The following ZBTB26 variants were observed in gnomAD, a reference collection of about 807,000 sequenced individuals.
The protein encoded by ZBTB26 is zinc finger and BTB domain containing 26, also known as zinc finger and BTB domain-containing protein 26.
ZBTB26 carries 12 observed loss-of-function variants against 31.6 expected under a neutral mutation model. The ratio of observed to expected loss-of-function variants is 0.38; its 90% CI spans 0.24 to 0.61. The LOEUF (loss-of-function observed/expected upper bound fraction) is 0.61, where lower values mean the gene tolerates loss of function less well. Ranked by LOEUF, ZBTB26 falls within the 20% of genes least tolerant of loss-of-function variation. ZBTB26 has a pLI of 0.60. For synonymous variants in ZBTB26, 155 were observed against 182.9 expected (o/e 0.85, Z 1.23); for missense variants, 311 against 521.9 (o/e 0.60, Z 3.94).
At chr9:122,921,732 G>C (rs1391867546) in intron 1 of ZBTB26, among the ~76,000 whole-genome samples, 1 of 152,042 alleles carries the variant, frequency 6.6e-6, no homozygotes, top group Admixed American at 6.5e-5. Flanking sequence ...GGGAGTTCAA[G>C]ACCAGCCTGA....
intron 1 of ZBTB26, among the ~76,000 whole-genome samples, chr9:122,924,518 C>T (rs1196011144): frequency 2.0e-5 from 3 of 151,694 alleles, no homozygotes; most frequent in Non-Finnish European, 4.4e-5. Context: ...GGTACAGATG[C>T]TCTTCATTAT....
intron 1 of ZBTB26, among the ~76,000 whole-genome samples, chr9:122,930,653 G>A (rs1833260194): frequency 6.6e-6 from 1 of 152,056 alleles, no homozygotes; most frequent in Admixed American, 6.6e-5. Flanking sequence ...TCTGGACCTC[G>A]GTCGACTTTC....
chr9:122,924,866 G>A (rs779826393), intron 1 of ZBTB26, among the ~76,000 whole-genome samples: 3 of 151,828 alleles, frequency 2.0e-5, no homozygotes, highest in Non-Finnish European at 4.4e-5. Context: ...ATCAAATCTC[G>A]CTGTAACCTA....
chr9:122,919,815 A>T lies in ZBTB26; in HGVS notation c.120T>A (p.Asp40Glu). Residue 40 changes from aspartate to glutamate, a missense_variant, in exon 2 of 2, where the codon GAT becomes GAA. Around this residue, in one of 5 missense-constraint regions of ZBTB26, gnomAD observed 5 missense variants for 32.0 expected, o/e 0.16. Coordinates refer to ENST00000373656, the MANE Select transcript of ZBTB26 (RefSeq NM_020924.4). This position sits in a 1 kb window ranked among gnomAD's most constrained non-coding sequence, Gnocchi z 6.1. The stretch of plus-strand genomic sequence containing the variant: ...TTTTATGTCCCTGTACCTCAATATC[A>T]TCTATGAGAACTGTAACATCACAAA... ...NKFCDVTVLI[D>E]DIEVQGHKIV... 6.2e-7 allele frequency: 1 copy of T among 1,614,088 alleles called. No homozygotes were observed. The highest frequency in any genetic ancestry group is 8.5e-7 in the Non-Finnish European group (1 of 1,179,996).
chr9:122,924,482 C>T (rs1192252258), intron 1 of ZBTB26, among the ~76,000 whole-genome samples: 5 of 152,126 alleles, frequency 3.3e-5, no homozygotes, highest in Non-Finnish European at 7.3e-5. Context: ...TCTTAATGTT[C>T]CCCCATGAAA....
rs922656932 is a variant in ZBTB26, at chr9:122,918,768, A to C, written c.1167T>G (p.Asn389Lys). 1 of 1,614,102 alleles carries C rather than the reference A, an allele frequency of 6.2e-7. No individual in the cohort carries two copies. Among genetic ancestry groups the C allele is most frequent in the East Asian group, 2.2e-5 (1 of 44,876 alleles). ...CAAAATCCACTGTGAGGTCTTGTAC[A>C]TTTCTCTCATTGGCATTATCAAAGC... ...KNSFDNANERNVQDLTVDFDS... is the reference protein window; with the variant it reads ...KNSFDNANERKVQDLTVDFDS... The change falls in exon 2 of 2, where the codon AAT becomes AAG. Residue 389 changes from asparagine (N) to lysine (K), a missense_variant. Asn to Lys is a moderately conservative substitution (Grantham distance 94). Around this residue, in one of 5 missense-constraint regions of ZBTB26, gnomAD observed 49 missense variants for 66.0 expected, o/e 0.74. Coordinates refer to ENST00000373656, the MANE Select transcript of ZBTB26 (RefSeq NM_020924.4).
At position 122,919,211 on chromosome 9, in the gene ZBTB26, G is replaced by A. The variant is rs1221173460; in HGVS notation, c.724C>T (p.Leu242Phe). Residue 242 changes from leucine (L) to phenylalanine (F), a missense_variant, in exon 2 of 2, where the codon CTT becomes TTT. Leu to Phe is a conservative substitution (Grantham distance 22). Transcript: ENST00000373656. The surrounding 1 kb of genome is among the most constrained non-coding windows in gnomAD (Gnocchi z 6.1). ...ATGTTATCACTGCCTGTATAAGAAA[G>A]GGCATAATTGTGGAGATGGTTTTGT... ...IEQNHLHNYA[L>F]SYTGSDNIIM... 3.7e-6 allele frequency: 6 copies of A among 1,614,072 alleles called. No homozygotes were observed. The Admixed American group carries it at 1.0e-4, about 27-fold the overall frequency.
intron 1 of ZBTB26, among the ~76,000 whole-genome samples, chr9:122,930,634 C>A (rs1050089668): frequency 4.6e-5 from 7 of 152,138 alleles, no homozygotes; most frequent in African/African-American, 1.7e-4. Context: ...AGGATTACAC[C>A]ATTCACCATC....
At chr9:122,924,822 C>T (rs990214614) in intron 1 of ZBTB26, among the ~76,000 whole-genome samples, 3 of 151,990 alleles carry the variant, frequency 2.0e-5, no homozygotes, top group Non-Finnish European at 2.9e-5. Context: ...GGCAGGGTCT[C>T]GCTGTGTTGC....
chr9:122,919,480 T>C lies in ZBTB26; in HGVS notation c.455A>G (p.Gln152Arg). The C allele has an allele frequency of 6.2e-7, 1 of 1,614,232 alleles. No homozygotes were observed. The highest frequency in any genetic ancestry group is 8.5e-7 in the Non-Finnish European group (1 of 1,180,032). Reference protein sequence around the residue: ...QSASPQSKEQQGDARGSPKQD... With the variant: ...QSASPQSKEQRGDARGSPKQD... ...CTTTGGGGAGCCTCTGGCATCTCCC[T>C]GCTGTTCTTTTGACTGGGGAGAAGC... is the stretch of plus-strand genomic sequence containing the variant. The change falls in exon 2 of 2, where the codon CAG (glutamine) becomes CGG (arginine). Residue 152 changes from glutamine (Q) to arginine (R), a missense_variant. Physicochemically the swap from Gln to Arg is conservative, Grantham distance 43. Around this residue, in one of 5 missense-constraint regions of ZBTB26, gnomAD observed 207 missense variants for 298.6 expected, o/e 0.69. Transcript: ENST00000373656. This position sits in a 1 kb window ranked among gnomAD's most constrained non-coding sequence, Gnocchi z 6.1.
At chr9:122,927,030 A>C (rs529895006) in intron 1 of ZBTB26, among the ~76,000 whole-genome samples, 160 of 152,346 alleles carry the variant, frequency 1.1e-3, no homozygotes, top group South Asian at 1.9e-3. Context: ...GGTAGATCAG[A>C]GACACAGTCA....
chr9:122,925,341 G>A (rs1335497013), intron 1 of ZBTB26, among the ~76,000 whole-genome samples: 3 of 152,018 alleles, frequency 2.0e-5, no homozygotes, highest in Admixed American at 1.3e-4. Flanking sequence ...CACTGCACTC[G>A]TCTGGGTGAA....
intron 1 of ZBTB26, among the ~76,000 whole-genome samples, chr9:122,922,621 C>T (rs1366267886): frequency 6.6e-6 from 1 of 152,240 alleles, no homozygotes; most frequent in Non-Finnish European, 1.5e-5. Flanking sequence ...ACTAAATACA[C>T]AGCAAGTGCT....
At chr9:122,928,084 C>T (rs1297368444) in intron 1 of ZBTB26, among the ~76,000 whole-genome samples, 2 of 152,190 alleles carry the variant, frequency 1.3e-5, no homozygotes, top group Non-Finnish European at 2.9e-5. Flanking sequence ...ATCCATCCGC[C>T]TCGGCCTCCC....
chr9:122,928,993 G>A (rs1833227120), intron 1 of ZBTB26, among the ~76,000 whole-genome samples: 1 of 152,218 alleles, frequency 6.6e-6, no homozygotes, highest in South Asian at 2.1e-4. Flanking sequence ...TTCCAACAAA[G>A]AACTGATGGG....
In ZBTB26 at chr9:122,918,273, T is replaced by C. The variant is rs1262449182; in HGVS notation, c.*336A>G. 4.2e-6 allele frequency: 1 copy of C among 236,528 alleles called. No individual in the cohort carries two copies. The highest frequency in any genetic ancestry group is 8.2e-6 in the Non-Finnish European group (1 of 121,566). The allele number at this position is 236,528 out of a possible 1,614,324, so 14.7% of individuals were successfully genotyped here. The stretch of plus-strand genomic sequence containing the variant: ...TATTAGTGGAGAGTAGGTGACGTTA[T>C]TAACTTGTTGGTACCTTCGGAATGT... On this transcript the variant is annotated 3_prime_UTR_variant, in exon 2 of 2. Coordinates refer to ENST00000373656, the MANE Select transcript of ZBTB26 (RefSeq NM_020924.4).
In ZBTB26 at chr9:122,919,187, T is replaced by C. The variant is rs1217426199; in HGVS notation, c.748A>G (p.Ile250Val). ...AAGACATCTTTTGAGGCCATGATGA[T>C]GTTATCACTGCCTGTATAAGAAAGG... ...YALSYTGSDNIIMASKDVFGP... is the reference protein window; with the variant it reads ...YALSYTGSDNVIMASKDVFGP... Residue 250 changes from isoleucine to valine, a missense_variant, in exon 2 of 2, where the codon ATC becomes GTC. Physicochemically the swap from Ile to Val is conservative, Grantham distance 29. Around this residue, in one of 5 missense-constraint regions of ZBTB26, gnomAD observed 207 missense variants for 298.6 expected, o/e 0.69. Coordinates refer to ENST00000373656, the MANE Select transcript of ZBTB26 (RefSeq NM_020924.4). The surrounding 1 kb of genome is among the most constrained non-coding windows in gnomAD (Gnocchi z 6.1). 1.2e-6 allele frequency: 2 copies of C among 1,614,252 alleles called. No individual in the cohort carries two copies. The highest frequency in any genetic ancestry group is 2.2e-5 in the East Asian group (1 of 44,892).
At chr9:122,922,959 G>A (rs987237243) in intron 1 of ZBTB26, among the ~76,000 whole-genome samples, 3 of 152,138 alleles carry the variant, frequency 2.0e-5, no homozygotes, top group African/African-American at 7.2e-5. Flanking sequence ...GCCAAGGCTG[G>A]TGGATCACGA....
At position 122,920,059 on chromosome 9, in the gene ZBTB26, A is replaced by G. The variant is rs369861208; in HGVS notation, c.-10-115T>C. 7.5e-5 allele frequency: 92 copies of G among 1,223,972 alleles called. No individual in the cohort carries two copies. In the African/African-American group the frequency reaches 7.8e-4, roughly 10 times the overall value. 75.8% of individuals were successfully genotyped at this position (1,223,972 alleles called of 1,614,324 possible). ...GTCATATCTGTTTTGTATGTATCCAAATGAAATCTTCCTTGAAAGGGGAAG... is the reference window on the plus strand; with the variant it reads ...GTCATATCTGTTTTGTATGTATCCAGATGAAATCTTCCTTGAAAGGGGAAG... On this transcript the variant is annotated intron_variant, in intron 1 of 1. Transcript: ENST00000373656.
Sources: allele counts gnomAD v4.1 joint callset (sites outside exome capture counted in the v4.1 genomes callset), GRCh38; gene constraint gnomAD v4.1.1; regional missense constraint gnomAD v4.1.1; non-coding constraint Gnocchi (gnomAD v3.1); transcripts MANE v1.5; gene names NCBI Gene and HGNC (gene_info 2026-07-23, HGNC 2026-07-21).